The following KDM4C variants were observed in gnomAD, a reference collection of about 807,000 sequenced individuals.
KDM4C encodes lysine-specific demethylase 4C.
Under a neutral mutation model 129.3 loss-of-function variants are expected in KDM4C, and 81 were observed. The observed-to-expected ratio is 0.63, with a 90% CI of 0.52 to 0.75. The LOEUF (loss-of-function observed/expected upper bound fraction) is 0.75. Ranked by LOEUF, KDM4C falls within the 30% of genes least tolerant of loss-of-function variation. KDM4C has a pLI of 0.00. For synonymous variants in KDM4C, 573 were observed against 456.1 expected, an observed-to-expected ratio of 1.26 and a Z score of -3.26; for missense variants, 1,457 against 1,304.0, an observed-to-expected ratio of 1.12 and a Z score of -1.81.
rs1425821753 is a variant in KDM4C at position 6,945,372 on chromosome 9, A to G, written c.922-35553A>G. 7.9e-5 allele frequency among the ~76,000 whole-genome samples: 12 copies of G among 152,306 alleles called. No individual in the cohort carries two copies. In the South Asian group the frequency reaches 1.5e-3, roughly 18 times the overall value. Reference sequence around the variant, plus strand: ...TTGTGAAAATGTATATATAAATATTATTTTGGGTAGCATAAATTCAGAGCA... The same window carrying G: ...TTGTGAAAATGTATATATAAATATTGTTTTGGGTAGCATAAATTCAGAGCA... On this transcript the variant is annotated intron_variant, in intron 8 of 21. Transcript: ENST00000381309.
intron 4 of KDM4C, among the ~76,000 whole-genome samples, chr9:6,825,369 T>G (rs1338108807): frequency 6.6e-6 from 1 of 152,210 alleles, no homozygotes; most frequent in African/African-American, 2.4e-5. Flanking sequence ...GGAAAACACC[T>G]TGACAACTGC....
chr9:6,853,115 G>C (rs12353150), intron 5 of KDM4C, among the ~76,000 whole-genome samples: 19,804 of 151,806 alleles, frequency 0.13, 1,720 homozygotes, highest in African/African-American at 0.24. Flanking sequence ...GTAAAGAATT[G>C]TTGTATTGAA....
chr9:6,826,163 T>C (rs761266045), intron 4 of KDM4C, among the ~76,000 whole-genome samples: 7 of 152,016 alleles, frequency 4.6e-5, no homozygotes, highest in Non-Finnish European at 1.0e-4. Flanking sequence ...TATTTCTTCT[T>C]GAGCTGGGGA....
At position 6,912,844 on chromosome 9, in the gene KDM4C, A is replaced by G. The variant is rs535374503; in HGVS notation, c.921+19612A>G. Among the ~76,000 whole-genome samples, 24 of 152,140 alleles carry G rather than the reference A, an allele frequency of 1.6e-4. 1 individual carries two copies. The South Asian group carries it at 5.0e-3, about 32-fold the overall frequency. On this transcript the variant is annotated intron_variant, in intron 8 of 21. Coordinates refer to ENST00000381309, the MANE Select transcript of KDM4C (RefSeq NM_015061.6). ...ATGTGTGTTTTTTAATCCTTTTTTT[A>G]ACTACTTTTGATAAAGAAATAAGGA...
chr9:7,022,909 C>T (rs577311787), intron 15 of KDM4C, among the ~76,000 whole-genome samples: 4 of 152,120 alleles, frequency 2.6e-5, no homozygotes, highest in South Asian at 4.1e-4. Flanking sequence ...AGTGATCATA[C>T]GGTTTTTGTT....
chr9:6,872,806 T>C (rs771391930), intron 5 of KDM4C, among the ~76,000 whole-genome samples: 22 of 152,178 alleles, frequency 1.4e-4, no homozygotes, highest in Non-Finnish European at 2.4e-4. Flanking sequence ...ACAGGCAAAG[T>C]AGGTTTAGTA....
intron 4 of KDM4C, among the ~76,000 whole-genome samples, chr9:6,848,157 G>T (rs1369068067): frequency 6.6e-6 from 1 of 152,036 alleles, no homozygotes; most frequent in Non-Finnish European, 1.5e-5. Flanking sequence ...GCCTCCCAAA[G>T]TGCTGGGATT....
chr9:6,905,508 A>G lies in KDM4C; in HGVS notation c.921+12276A>G, dbSNP rs147703247. 3.9e-5 allele frequency among the ~76,000 whole-genome samples: 6 copies of G among 152,322 alleles called. No homozygotes were observed. In the East Asian group the frequency reaches 1.2e-3, roughly 29 times the overall value. ...GTCTTTGACATTTGTTTAGAATATCAGAGAGGTTCTTCTGAATTTGGGTGC... is the reference window on the plus strand; with the variant it reads ...GTCTTTGACATTTGTTTAGAATATCGGAGAGGTTCTTCTGAATTTGGGTGC... On this transcript the variant is annotated intron_variant, in intron 8 of 21. Transcript: ENST00000381309.
intron 1 of KDM4C, among the ~76,000 whole-genome samples, chr9:6,741,205 G>T (rs1288821979): frequency 6.6e-6 from 1 of 151,768 alleles, no homozygotes; most frequent in African/African-American, 2.4e-5. Context: ...GGAGCATCCT[G>T]GCCAACATGG....
At chr9:6,751,157 C>T (rs1374941220) in intron 1 of KDM4C, among the ~76,000 whole-genome samples, 1 of 152,106 alleles carries the variant, frequency 6.6e-6, no homozygotes, top group Non-Finnish European at 1.5e-5. Flanking sequence ...GTCAAAAGAT[C>T]AGCCTAGGCC....
upstream of KDM4C, among the ~76,000 whole-genome samples, chr9:6,754,620 T>C (rs780866689): frequency 2.6e-5 from 4 of 152,106 alleles, no homozygotes; most frequent in Non-Finnish European, 2.9e-5. Context: ...CACTCCTGTA[T>C]TCTCACCACT....
intron 17 of KDM4C, among the ~76,000 whole-genome samples, chr9:7,051,402 CAG>C (rs2132576062): frequency 6.6e-6 from 1 of 152,234 alleles, no homozygotes; most frequent in African/African-American, 2.4e-5. Flanking sequence ...TGATCAGACT[CAG>C]AGAGGATGGC....
In KDM4C at chr9:7,006,062, C is replaced by T. The variant is rs139271837; in HGVS notation, c.1787-5636C>T. Among the ~76,000 whole-genome samples, 7 of 152,214 alleles carry T rather than the reference C, an allele frequency of 4.6e-5. 1 individual carries two copies. In the South Asian group the frequency reaches 1.0e-3, roughly 23 times the overall value. On this transcript the variant is annotated intron_variant, in intron 12 of 21. Coordinates refer to ENST00000381309, the MANE Select transcript of KDM4C (RefSeq NM_015061.6). ...ACAAATTAATGTGTATAAAAAGCAA[C>T]GAAAAATAATCATTGAAATAAACAC...
chr9:6,790,927 C>G (rs1024215154), intron 1 of KDM4C, among the ~76,000 whole-genome samples: 9 of 152,164 alleles, frequency 5.9e-5, no homozygotes, highest in African/African-American at 1.9e-4. Context: ...GCCTACTTTC[C>G]TACTTTGATC....
intron 15 of KDM4C, among the ~76,000 whole-genome samples, chr9:7,017,710 T>G (rs939395128): frequency 4.6e-5 from 7 of 152,232 alleles, no homozygotes; most frequent in African/African-American, 1.7e-4. Context: ...CTCGATGATT[T>G]CAGCTGTAAT....
chr9:6,858,228 A>G (rs1252104846), intron 5 of KDM4C, among the ~76,000 whole-genome samples: 1 of 150,858 alleles, frequency 6.6e-6, no homozygotes, highest in Non-Finnish European at 1.5e-5. Context: ...GCTTTTGCTT[A>G]TTTTGTTATT....
At chr9:6,781,585 G>A (rs921223389) in intron 1 of KDM4C, among the ~76,000 whole-genome samples, 2 of 152,078 alleles carry the variant, frequency 1.3e-5, no homozygotes, top group African/African-American at 4.8e-5. Context: ...ATGCTTGGGA[G>A]CCATTTTAAG....
At chr9:6,945,083 C>T (rs2131436063) in intron 8 of KDM4C, among the ~76,000 whole-genome samples, 1 of 152,252 alleles carries the variant, frequency 6.6e-6, no homozygotes, top group Admixed American at 6.5e-5. Flanking sequence ...CTTTCTTGCT[C>T]TACACAGCCA....
chr9:6,835,405 G>A (rs1417935775), intron 4 of KDM4C: 38 of 1,144,778 alleles, frequency 3.3e-5, no homozygotes, highest in East Asian at 3.3e-4. Flanking sequence ...GGAGATCACC[G>A]CCCTGGCGCC....
Sources: gnomAD v4.1 joint callset for allele counts (sites outside exome capture counted in the v4.1 genomes callset) on GRCh38, gnomAD v4.1.1 for gene constraint, MANE v1.5 for transcripts, NCBI Gene and HGNC (gene_info 2026-07-23, HGNC 2026-07-21) for gene names.